The following PTPRS variants were observed in gnomAD, a reference collection of about 807,000 sequenced individuals.
The protein encoded by PTPRS is receptor-type tyrosine-protein phosphatase S.
In PTPRS, 63 loss-of-function variants were observed where a neutral mutation model predicts 215.3. The ratio of observed to expected loss-of-function variants is 0.29; its 90% CI spans 0.24 to 0.36. The LOEUF is 0.36. Among genes scored for constraint, PTPRS ranks in the 10% least tolerant of loss-of-function variants. The pLI is 1.00. For missense variants in PTPRS, 2,258 were observed against 2,825.8 expected, an observed-to-expected ratio of 0.80 and a Z score of 4.56; for synonymous variants, 1,404 against 1,191.4, an observed-to-expected ratio of 1.18 and a Z score of -3.68.
Position 5,338,393 on chromosome 19 carries a change from G to A in PTPRS, c.-95+2271C>T, listed in dbSNP as rs561007028. On this transcript the variant is annotated intron_variant, in intron 1 of 37. Coordinates refer to ENST00000262963, the MANE Select transcript of PTPRS (RefSeq NM_002850.4). This position sits in a 1 kb window ranked among gnomAD's most constrained non-coding sequence, Gnocchi z 4.2. ...TGCAGAAGTGCACCGTCATGATGAG[G>A]GTGTCCCCCGGGCCTGGGGAACAGG... Among the ~76,000 whole-genome samples the A allele has an allele frequency of 4.6e-5, 7 of 152,276 alleles. No homozygotes were observed. The South Asian group carries it at 1.0e-3, about 23-fold the overall frequency.
chr19:5,310,684 A>T (rs922506982), intron 1 of PTPRS, among the ~76,000 whole-genome samples: 8 of 151,478 alleles, frequency 5.3e-5, no homozygotes, highest in Non-Finnish European at 2.9e-5. Context: ...TATTGGCTTT[A>T]TGGCTTTTGT....
At chr19:5,330,399 G>A (rs553062331) in intron 1 of PTPRS, among the ~76,000 whole-genome samples, 1 of 152,346 alleles carries the variant, frequency 6.6e-6, no homozygotes, top group East Asian at 1.9e-4. Flanking sequence ...AGGCACACTG[G>A]TACTGGTGGC....
chr19:5,260,594 G>A (rs2045911869), intron 7 of PTPRS, among the ~76,000 whole-genome samples: 1 of 152,196 alleles, frequency 6.6e-6, no homozygotes, highest in Non-Finnish European at 1.5e-5. Context: ...CCACAGCCAG[G>A]TGACCTGAGG....
chr19:5,225,179 G>C (rs2042370297), intron 17 of PTPRS, among the ~76,000 whole-genome samples: 1 of 152,180 alleles, frequency 6.6e-6, no homozygotes, highest in South Asian at 2.1e-4. Flanking sequence ...GGGAAACTGA[G>C]GCAGGGCCAC....
Position 5,245,862 on chromosome 19 carries a change from G to GTCC in PTPRS, c.901_902insGGA (p.Leu300_Thr301insArg). On this transcript the variant is annotated inframe_insertion, in exon 10 of 38. Coordinates refer to ENST00000262963, the MANE Select transcript of PTPRS (RefSeq NM_002850.4). ...GTAGTTGGCCGAGTCCTTGACATCT[G>GTCC]TGAGTTCCAGCACGTTCCGACCCAC... 1 of 1,613,956 alleles carries GTCC rather than the reference G, an allele frequency of 6.2e-7. No individual in the cohort carries two copies. The highest frequency in any genetic ancestry group is 8.5e-7 in the Non-Finnish European group (1 of 1,179,970).
rs2042145535 is a variant in PTPRS at position 5,223,037 on chromosome 19, C to T, written c.2755G>A (p.Glu919Lys). 6 of 1,546,990 alleles carry T rather than the reference C, an allele frequency of 3.9e-6. No individual in the cohort carries two copies. Among genetic ancestry groups the T allele is most frequent in the East Asian group, 2.4e-5 (1 of 41,170 alleles). The part of the protein sequence containing the change: ...SRGGLGEEAA[E>K]VLSIPEDTPR... The stretch of plus-strand genomic sequence containing the variant: ...GTGTCCTCCGGGATGCTCAGGACCT[C>T]GGCTGCCTCCTCGCCCAGGCCGCCG... Residue 919 changes from glutamate to lysine, a missense_variant, in exon 18 of 38, where the codon GAG becomes AAG. By Grantham distance (56) the Glu-to-Lys change is moderately conservative. Around this residue, in one of 6 missense-constraint regions of PTPRS, gnomAD observed 361 missense variants for 332.6 expected, o/e 1.09. Coordinates refer to ENST00000262963, the MANE Select transcript of PTPRS (RefSeq NM_002850.4).
chr19:5,229,269 C>CTGT, intron 16 of PTPRS, 47 bp downstream of exon 16: 1 of 1,364,728 alleles, frequency 7.3e-7, no homozygotes, highest in Non-Finnish European at 9.5e-7. Context: ...CAGCACGGCC[C>CTGT]GCGGGAAGCG....
At chr19:5,236,232 G>A (rs1482136296) in intron 13 of PTPRS, among the ~76,000 whole-genome samples, 12 of 152,292 alleles carry the variant, frequency 7.9e-5, no homozygotes, top group East Asian at 1.9e-4. Context: ...CAATCTTGCC[G>A]AAAAACCAGA....
intron 1 of PTPRS, among the ~76,000 whole-genome samples, chr19:5,305,746 A>AATAAATAAATAT (rs71172708): frequency 4.7e-5 from 5 of 105,744 alleles, no homozygotes; most frequent in Admixed American, 9.9e-5. Context: ...TAAATAAATA[A>AATAAATAAATAT]ATATATATAT....
At chr19:5,335,747 G>A (rs1051747453) in intron 1 of PTPRS, among the ~76,000 whole-genome samples, 3 of 152,186 alleles carry the variant, frequency 2.0e-5, no homozygotes, top group Admixed American at 1.3e-4. Context: ...GGAGGAGGGA[G>A]TCCCCATGAT....
At chr19:5,279,779 T>G (rs2047695051) in intron 2 of PTPRS, among the ~76,000 whole-genome samples, 1 of 152,188 alleles carries the variant, frequency 6.6e-6, no homozygotes. Flanking sequence ...ACCTCCCGGA[T>G]TCACGCCATT....
intron 35 of PTPRS, 54 bp from the exon 36 acceptor site, chr19:5,208,445 T>G: frequency 7.1e-7 from 1 of 1,414,756 alleles, no homozygotes; most frequent in Non-Finnish European, 9.4e-7. Flanking sequence ...CCATGGGGGT[T>G]TTTCTCCATC....
chr19:5,329,097 C>T (rs561880534), intron 1 of PTPRS, among the ~76,000 whole-genome samples: 1 of 152,158 alleles, frequency 6.6e-6, no homozygotes, highest in East Asian at 1.9e-4. Context: ...GAAAACAAAA[C>T]GGGGTGCGGG....
chr19:5,291,942 G>C (rs1420417873), intron 1 of PTPRS, among the ~76,000 whole-genome samples: 1 of 151,648 alleles, frequency 6.6e-6, no homozygotes, highest in Non-Finnish European at 1.5e-5. Flanking sequence ...CTCCCACAGG[G>C]GTATTTACAC....
intron 1 of PTPRS, among the ~76,000 whole-genome samples, chr19:5,292,074 G>A (rs925201145): frequency 2.6e-5 from 4 of 152,160 alleles, no homozygotes; most frequent in Non-Finnish European, 4.4e-5. Flanking sequence ...ATGCCCCAGG[G>A]TGGATCAAGA....
Position 5,244,033 on chromosome 19 carries a change from C to T in PTPRS, c.1438G>A (p.Val480Met), listed in dbSNP as rs372290737. 9.3e-6 allele frequency: 15 copies of T among 1,609,504 alleles called. No homozygotes were observed. The highest frequency in any genetic ancestry group is 1.7e-5 in the Admixed American group (1 of 60,024). ...HPVGNWQKHN[V>M]DDSLLTTVGS... The stretch of plus-strand genomic sequence containing the variant: ...ACGGTGGTCAGCAGGCTGTCGTCCA[C>T]GTTGTGCTTCTGCCAGTTGCCCACG... Residue 480 changes from valine to methionine, a missense_variant, in exon 11 of 38, where the codon GTG becomes ATG. Transcript: ENST00000262963. The surrounding 1 kb of genome is among the most constrained non-coding windows in gnomAD (Gnocchi z 7.2).
Position 5,265,039 on chromosome 19 carries a change from G to A in PTPRS, c.537C>T (p.Ala179=). 6.2e-7 allele frequency: 1 copy of A among 1,614,094 alleles called. No homozygotes were observed. Among genetic ancestry groups the A allele is most frequent in the Non-Finnish European group, 8.5e-7 (1 of 1,180,000 alleles). ...FKDFLPVDPS[A]SNGRIKQLRS... is the part of the protein sequence containing the mutation. ...GCAGCTGTTTGATGCGTCCATTGCTGGCACTAGGATCCACAGGCAGGAAGT... is the reference window on the plus strand; with the variant it reads ...GCAGCTGTTTGATGCGTCCATTGCTAGCACTAGGATCCACAGGCAGGAAGT... The change falls in exon 5 of 38, where the codon GCC becomes GCT. Residue 179 remains alanine (A), a synonymous_variant. Transcript: ENST00000262963.
intron 5 of PTPRS, among the ~76,000 whole-genome samples, chr19:5,263,898 C>T (rs921595872): frequency 1.3e-5 from 2 of 152,218 alleles, no homozygotes; most frequent in Non-Finnish European, 2.9e-5. Context: ...CCTGTGCCCA[C>T]AGGCGGGAGG....
chr19:5,214,124 G>C (rs2041191419), intron 30 of PTPRS, among the ~76,000 whole-genome samples: 1 of 152,228 alleles, frequency 6.6e-6, no homozygotes. Context: ...GCTCATTGCT[G>C]AGTTGGGCTC....
Sources: gnomAD v4.1 joint callset for allele counts (sites outside exome capture counted in the v4.1 genomes callset) on GRCh38, gnomAD v4.1.1 for gene constraint, gnomAD v4.1.1 regional missense constraint, Gnocchi (gnomAD v3.1) non-coding constraint, MANE v1.5 for transcripts, NCBI Gene and HGNC (gene_info 2026-07-23, HGNC 2026-07-21) for gene names.